TRAPPC9: variants seen among roughly 807,000 people sequenced by gnomAD.
The protein encoded by TRAPPC9 is trafficking protein particle complex subunit 9.
Under a neutral mutation model 124.0 loss-of-function variants are expected in TRAPPC9, and 83 were observed. The observed-to-expected ratio is 0.67, with a 90% CI of 0.56 to 0.80. The LOEUF is 0.80. Among genes scored for constraint, TRAPPC9 ranks in the 30% least tolerant of loss-of-function variants. The probability of loss-of-function intolerance (pLI) is 0.00; values close to 1 mark genes in which losing one functional copy is unlikely to be tolerated. For synonymous variants in TRAPPC9, 638 were observed against 617.5 expected (o/e 1.03, Z -0.49); for missense variants, 1,302 against 1,508.3 (o/e 0.86, Z 2.27).
intron 17 of TRAPPC9, among the ~76,000 whole-genome samples, chr8:140,081,285 T>C (rs969377730): frequency 3.9e-5 from 6 of 152,066 alleles, no homozygotes; most frequent in Admixed American, 3.9e-4. Context: ...ATGGCTCCAA[T>C]GTCTTCTCTT....
chr8:140,035,213 T>C lies in TRAPPC9; in HGVS notation c.2557-11134A>G, dbSNP rs146330193. ...CCATAAGCAATTAGGACATTTTCCA[T>C]TGGCACTCATTTAGTTATGAGAAAC... On this transcript the variant is annotated intron_variant, in intron 17 of 22. Coordinates refer to ENST00000438773, the MANE Select transcript of TRAPPC9 (RefSeq NM_001160372.4). Among the ~76,000 whole-genome samples the C allele has an allele frequency of 7.4e-3, 1,129 of 152,364 alleles. 11 individuals are homozygous for C. Among genetic ancestry groups the C allele is most frequent in the African/African-American group, 0.015 (612 of 41,588 alleles).
chr8:140,186,447 A>T (rs972953777), intron 17 of TRAPPC9, among the ~76,000 whole-genome samples: 6 of 152,136 alleles, frequency 3.9e-5, no homozygotes, highest in African/African-American at 1.2e-4. Flanking sequence ...TTAGCTGGGC[A>T]TGGTGGCGGG....
At chr8:140,263,168 T>C (rs911147592) in intron 15 of TRAPPC9, among the ~76,000 whole-genome samples, 3 of 152,096 alleles carry the variant, frequency 2.0e-5, no homozygotes, top group African/African-American at 7.2e-5. Flanking sequence ...CTGGCAGCCA[T>C]GAAGACAGAC....
chr8:139,731,072 C>A lies in TRAPPC9; in HGVS notation c.3436G>T (p.Ala1146Ser). 6.2e-7 allele frequency: 1 copy of A among 1,612,856 alleles called. No individual in the cohort carries two copies. Among genetic ancestry groups the A allele is most frequent in the Non-Finnish European group, 8.5e-7 (1 of 1,179,976 alleles). The change falls in exon 23 of 23, where the codon GCG (alanine) becomes TCG (serine). Residue 1146 changes from alanine to serine, a missense_variant. Transcript: ENST00000438773. ...LPSVHVCALE[A>S]QA The stretch of plus-strand genomic sequence containing the variant: ...GGAAGTAGGCGGGCTCAGGCCTGCG[C>A]CTCCAGGGCACACACGTGCACACTG...
At chr8:139,925,178 G>A (rs748454009) in intron 19 of TRAPPC9, among the ~76,000 whole-genome samples, 16 of 152,190 alleles carry the variant, frequency 1.1e-4, no homozygotes, top group Non-Finnish European at 1.8e-4. Flanking sequence ...GGGTGGCGGC[G>A]CCTCCCACTT....
intron 19 of TRAPPC9, chr8:139,913,830 C>T (rs1831919863): frequency 1.3e-5 from 2 of 152,344 alleles, no homozygotes; most frequent in Non-Finnish European, 2.9e-5. Context: ...AGGGGCTCTA[C>T]CTAATACCTC....
intron 17 of TRAPPC9, among the ~76,000 whole-genome samples, chr8:140,188,132 C>T (rs1381599180): frequency 6.6e-6 from 1 of 152,190 alleles, no homozygotes; most frequent in Admixed American, 6.5e-5. Context: ...GAAGGAGAAG[C>T]TAAATGTGCG....
chr8:139,995,907 C>G (rs2131749502), intron 18 of TRAPPC9, among the ~76,000 whole-genome samples: 1 of 134,492 alleles, frequency 7.4e-6, no homozygotes, highest in East Asian at 2.2e-4. Flanking sequence ...CCTCAGTATT[C>G]AAACAAGATC....
At chr8:140,444,825 T>C (rs2071180465) in intron 2 of TRAPPC9, among the ~76,000 whole-genome samples, 1 of 142,626 alleles carries the variant, frequency 7.0e-6, no homozygotes, top group African/African-American at 2.6e-5. Flanking sequence ...ATGGTACCAC[T>C]GCATTCCAGC....
intron 7 of TRAPPC9, among the ~76,000 whole-genome samples, chr8:140,376,553 TAAAAAAA>T (rs34319639): frequency 4.6e-4 from 23 of 49,720 alleles, no homozygotes; most frequent in African/African-American, 1.6e-3. Flanking sequence ...AGACTCCATC[TAAAAAAA>T]AAAAAAAAAA....
intron 17 of TRAPPC9, among the ~76,000 whole-genome samples, chr8:140,033,870 C>G (rs929183242): frequency 2.6e-5 from 4 of 151,672 alleles, no homozygotes; most frequent in African/African-American, 9.7e-5. Context: ...CTAGTAGAGA[C>G]AGGGTTTCAC....
At chr8:140,209,351 T>C (rs2063002456) in intron 17 of TRAPPC9, among the ~76,000 whole-genome samples, 1 of 152,172 alleles carries the variant, frequency 6.6e-6, no homozygotes, top group Non-Finnish European at 1.5e-5. Context: ...GCTGAAGGAA[T>C]GGATTACATG....
chr8:140,447,109 G>A (rs2071289291), intron 2 of TRAPPC9, among the ~76,000 whole-genome samples: 1 of 152,042 alleles, frequency 6.6e-6, no homozygotes, highest in South Asian at 2.1e-4. Flanking sequence ...AGCTATCCCA[G>A]GAAAACCCCC....
chr8:140,216,977 C>T lies in TRAPPC9; in HGVS notation c.2556+4482G>A, dbSNP rs544718626. Among the ~76,000 whole-genome samples the T allele has an allele frequency of 4.6e-5, 7 of 152,278 alleles. No homozygotes were observed. Among genetic ancestry groups the T allele is most frequent in the East Asian group, 3.9e-4 (2 of 5,178 alleles). On this transcript the variant is annotated intron_variant, in intron 17 of 22. Coordinates refer to ENST00000438773, the MANE Select transcript of TRAPPC9 (RefSeq NM_001160372.4). This position sits in a 1 kb window ranked among gnomAD's most constrained non-coding sequence, Gnocchi z 4.1. Reference sequence around the variant, plus strand: ...CCATCACACGGCACGCTGCTTAACACGGTCCTCAGTGGACAAGGCTGAGTT... The same window carrying T: ...CCATCACACGGCACGCTGCTTAACATGGTCCTCAGTGGACAAGGCTGAGTT...
intron 17 of TRAPPC9, among the ~76,000 whole-genome samples, chr8:140,184,787 T>C (rs1288893746): frequency 1.3e-5 from 2 of 152,058 alleles, no homozygotes; most frequent in Admixed American, 1.3e-4. Context: ...ACACAAAATA[T>C]GAATAAGGTC....
At chr8:139,804,382 CCAA>C (rs1385293221) in intron 21 of TRAPPC9, among the ~76,000 whole-genome samples, 1 of 136,186 alleles carries the variant, frequency 7.3e-6, no homozygotes, top group African/African-American at 2.8e-5. Flanking sequence ...ACCACCACCA[CCAA>C]ACACCACCAC....
At chr8:140,372,045 T>G (rs943132557) in intron 7 of TRAPPC9, among the ~76,000 whole-genome samples, 1 of 152,220 alleles carries the variant, frequency 6.6e-6, no homozygotes, top group Non-Finnish European at 1.5e-5. Flanking sequence ...GGCAGCAGAC[T>G]TAACGTACCT....
chr8:140,286,371 A>T (rs531868953), intron 13 of TRAPPC9, among the ~76,000 whole-genome samples: 59 of 152,274 alleles, frequency 3.9e-4, no homozygotes, highest in Admixed American at 1.5e-3. Context: ...CCCAGTTGAG[A>T]GATGTCAGGG....
At chr8:140,085,525 G>A (rs141585569) in intron 17 of TRAPPC9, among the ~76,000 whole-genome samples, 132 of 152,298 alleles carry the variant, frequency 8.7e-4, no homozygotes, top group African/African-American at 3.1e-3. Context: ...GGAAATGCCA[G>A]GGAAGCCCCG....
Sources: allele counts gnomAD v4.1 joint callset (sites outside exome capture counted in the v4.1 genomes callset), GRCh38; gene constraint gnomAD v4.1.1; non-coding constraint Gnocchi (gnomAD v3.1); transcripts MANE v1.5; gene names NCBI Gene and HGNC (gene_info 2026-07-23, HGNC 2026-07-21).